The following LRRN1 variants were observed in gnomAD, a reference collection of about 807,000 sequenced individuals.
LRRN1 encodes the protein leucine-rich repeat neuronal protein 1.
In LRRN1, 14 loss-of-function variants were observed where a neutral mutation model predicts 45.8. The ratio of observed to expected loss-of-function variants is 0.31; its 90% CI spans 0.20 to 0.48. LRRN1 has a LOEUF of 0.48. Among genes scored for constraint, LRRN1 ranks in the 20% least tolerant of loss-of-function variants. LRRN1 has a pLI of 0.99. For missense variants in LRRN1, 789 were observed against 874.2 expected, an observed-to-expected ratio of 0.90 and a Z score of 1.23; for synonymous variants, 359 against 330.1, an observed-to-expected ratio of 1.09 and a Z score of -0.95.
At chr3:3,841,178 C>T (rs1283754608) in intron 1 of LRRN1, among the ~76,000 whole-genome samples, 8 of 151,570 alleles carry the variant, frequency 5.3e-5, no homozygotes, top group Non-Finnish European at 1.0e-4. Flanking sequence ...GTAGTCCCAG[C>T]TACTCACAAG....
intron 1 of LRRN1, among the ~76,000 whole-genome samples, chr3:3,808,690 G>A (rs1243245386): frequency 1.3e-5 from 2 of 152,160 alleles, no homozygotes; most frequent in African/African-American, 4.8e-5. Flanking sequence ...CTCTTTAATT[G>A]CAGCTATAAA....
intron 1 of LRRN1, among the ~76,000 whole-genome samples, chr3:3,834,525 G>GATATATATATCATATATATATATAT (rs1693446549): frequency 4.8e-4 from 13 of 27,328 alleles, no homozygotes; most frequent in Non-Finnish European, 1.2e-3. Flanking sequence ...GACAGAACAG[G>GATATATATATCATATATATATATAT]ATATATATAT....
chr3:3,805,620 G>C (rs1026312253), intron 1 of LRRN1, among the ~76,000 whole-genome samples: 2 of 152,218 alleles, frequency 1.3e-5, no homozygotes, highest in Non-Finnish European at 2.9e-5. Flanking sequence ...ATTATATGGA[G>C]AGCTAATGGT....
chr3:3,845,464 A>G lies in LRRN1; in HGVS notation c.823A>G (p.Ile275Val), dbSNP rs1022703211. ...LKFLDLNKNP[I>V]HKIQEGDFKN... ...ATTCTTAGACCTCAACAAAAACCCC[A>G]TTCACAAAATCCAAGAAGGGGACTT... The change falls in exon 2 of 2, where the codon ATT becomes GTT. Residue 275 changes from isoleucine (I) to valine (V), a missense_variant. Physicochemically the swap from Ile to Val is conservative, Grantham distance 29. Coordinates refer to ENST00000319331, the MANE Select transcript of LRRN1 (RefSeq NM_020873.7). This position sits in a 1 kb window ranked among gnomAD's most constrained non-coding sequence, Gnocchi z 6.5. 6.2e-7 allele frequency: 1 copy of G among 1,614,144 alleles called. No individual in the cohort carries two copies. The highest frequency in any genetic ancestry group is 1.3e-5 in the African/African-American group (1 of 75,048).
Position 3,824,214 on chromosome 3 carries a change from T to G in LRRN1, c.-278-20150T>G, listed in dbSNP as rs908925091. The stretch of plus-strand genomic sequence containing the variant: ...TATACACGTAAGTCACTCAGTGTAG[T>G]GGTTAGTACATAGTCTTTTATTAAA... On this transcript the variant is annotated intron_variant, in intron 1 of 1. Coordinates refer to ENST00000319331, the MANE Select transcript of LRRN1 (RefSeq NM_020873.7). 1.7e-4 allele frequency among the ~76,000 whole-genome samples: 26 copies of G among 152,210 alleles called. 2 individuals are homozygous for G. The highest frequency in any genetic ancestry group is 1.5e-5 in the Non-Finnish European group (1 of 68,034).
Position 3,846,730 on chromosome 3 carries a change from G to A in LRRN1, c.2089G>A (p.Asp697Asn), listed in dbSNP as rs1368966861. ...GGAAGGTGACAGCGAGAAAGACAAA[G>A]ATGGTTCTGCAGACACCAAGCCAAC... ...LWEGDSEKDK[D>N]GSADTKPTQV... Residue 697 changes from aspartate (D) to asparagine (N), a missense_variant, in exon 2 of 2, where the codon GAT (aspartate) becomes AAT (asparagine). Physicochemically the swap from Asp to Asn is conservative, Grantham distance 23 (BLOSUM62 1). Coordinates refer to ENST00000319331, the MANE Select transcript of LRRN1 (RefSeq NM_020873.7). The surrounding 1 kb of genome is among the most constrained non-coding windows in gnomAD (Gnocchi z 5.7). 2 of 1,614,000 alleles carry A rather than the reference G, an allele frequency of 1.2e-6. No homozygotes were observed. Among genetic ancestry groups the A allele is most frequent in the Non-Finnish European group, 1.7e-6 (2 of 1,180,006 alleles).
At chr3:3,839,978 G>T (rs1191190509) in intron 1 of LRRN1, among the ~76,000 whole-genome samples, 1 of 151,872 alleles carries the variant, frequency 6.6e-6, no homozygotes, top group Non-Finnish European at 1.5e-5. Flanking sequence ...TATTTTTCTT[G>T]TCTAATTGCT....
chr3:3,845,928 C>T lies in LRRN1; in HGVS notation c.1287C>T (p.Asp429=), dbSNP rs1305663200. The T allele has an allele frequency of 6.2e-7, 1 of 1,614,108 alleles. No homozygotes were observed. The highest frequency in any genetic ancestry group is 8.5e-7 in the Non-Finnish European group (1 of 1,179,986). ...SEQCLPMISH[D]SFPNRLNVDI... ...AGTGCCTCCCAATGATATCTCACGA[C>T]AGCTTCCCAAATCGTTTAAACGTGG... The change falls in exon 2 of 2, where the codon GAC becomes GAT. Residue 429 remains aspartate, a synonymous_variant. Transcript: ENST00000319331. This position sits in a 1 kb window ranked among gnomAD's most constrained non-coding sequence, Gnocchi z 6.5.
chr3:3,809,531 T>G (rs1210120598), intron 1 of LRRN1, among the ~76,000 whole-genome samples: 4 of 152,242 alleles, frequency 2.6e-5, no homozygotes, highest in Admixed American at 2.6e-4. Flanking sequence ...AGGATTGTTT[T>G]GCTTTAAGGT....
At chr3:3,828,991 CTTTTT>C (rs386395826) in intron 1 of LRRN1, among the ~76,000 whole-genome samples, 4 of 140,538 alleles carry the variant, frequency 2.8e-5, no homozygotes, top group South Asian at 2.2e-4. Context: ...TCTTTTCTTT[CTTTTT>C]TTTTTTTTTT....
At chr3:3,834,684 G>C (rs892324383) in intron 1 of LRRN1, among the ~76,000 whole-genome samples, 2 of 150,638 alleles carry the variant, frequency 1.3e-5, no homozygotes, top group Non-Finnish European at 3.0e-5. Flanking sequence ...TCTGCCAGCT[G>C]AGGAGCAAGG....
At chr3:3,802,395 C>G (rs1441278523) in intron 1 of LRRN1, among the ~76,000 whole-genome samples, 1 of 152,074 alleles carries the variant, frequency 6.6e-6, no homozygotes, top group Non-Finnish European at 1.5e-5. Flanking sequence ...AACCTATTCA[C>G]GGAACAGCAT....
intron 1 of LRRN1, chr3:3,801,393 A>G (rs1352908882): frequency 6.6e-6 from 1 of 152,250 alleles, no homozygotes; most frequent in Admixed American, 6.5e-5. Flanking sequence ...TGACAATCTA[A>G]ATCATGTTAG....
intron 1 of LRRN1, among the ~76,000 whole-genome samples, chr3:3,804,685 A>G (rs114601586): frequency 0.013 from 1,949 of 152,300 alleles, 44 homozygotes; most frequent in African/African-American, 0.043. Context: ...GCTCACATCT[A>G]TTATACCACT....
intron 1 of LRRN1, among the ~76,000 whole-genome samples, chr3:3,843,769 A>G (rs1297508961): frequency 6.6e-6 from 1 of 152,252 alleles, no homozygotes; most frequent in Non-Finnish European, 1.5e-5. Flanking sequence ...TAACTGAGCT[A>G]GAAAAGCATT....
chr3:3,811,606 A>G (rs908746923), intron 1 of LRRN1, among the ~76,000 whole-genome samples: 8 of 152,252 alleles, frequency 5.3e-5, no homozygotes, highest in African/African-American at 1.9e-4. Flanking sequence ...ATACTCAGAG[A>G]TATTACTATG....
intron 1 of LRRN1, among the ~76,000 whole-genome samples, chr3:3,835,334 A>G (rs1241406093): frequency 3.9e-5 from 6 of 152,230 alleles, no homozygotes; most frequent in Non-Finnish European, 5.9e-5. Flanking sequence ...TTTCTCATGT[A>G]ATTGAACACT....
rs1693807208 is a variant in LRRN1 at position 3,847,664 on chromosome 3, G to A, written c.*872G>A. On this transcript the variant is annotated 3_prime_UTR_variant, in exon 2 of 2. Transcript: ENST00000319331. ...ATTTATAGTTCTTGCTAGTTGCAGT[G>A]GTAATATTTTTCACATCCATAAAAA... 1 of 166,660 alleles carries A rather than the reference G, an allele frequency of 6.0e-6. No homozygotes were observed. The highest frequency in any genetic ancestry group is 6.6e-5 in the Admixed American group (1 of 15,244). 10.3% of individuals were successfully genotyped at this position (166,660 alleles called of 1,614,324 possible).
intron 1 of LRRN1, among the ~76,000 whole-genome samples, chr3:3,808,385 G>A (rs769495082): frequency 6.7e-4 from 102 of 152,224 alleles, no homozygotes; most frequent in Non-Finnish European, 1.3e-3. Context: ...GGAAACTAAG[G>A]CAGACCGCAA....
Sources: allele counts gnomAD v4.1 joint callset (sites outside exome capture counted in the v4.1 genomes callset), GRCh38; gene constraint gnomAD v4.1.1; non-coding constraint Gnocchi (gnomAD v3.1); transcripts MANE v1.5; gene names NCBI Gene and HGNC (gene_info 2026-07-23, HGNC 2026-07-21).